PRKAR1A: variants seen among roughly 807,000 people sequenced by gnomAD.
The protein encoded by PRKAR1A is cAMP-dependent protein kinase type I-alpha regulatory subunit.
In PRKAR1A, 3 loss-of-function variants were observed where a neutral mutation model predicts 52.0. That is an observed-to-expected ratio of 0.06 (90% CI 0.03 to 0.15). PRKAR1A has a LOEUF of 0.15. Among genes scored for constraint, PRKAR1A ranks in the 10% least tolerant of loss-of-function variants. The pLI is 1.00. For synonymous variants in PRKAR1A, 188 were observed against 168.4 expected (o/e 1.12, Z -0.90); for missense variants, 240 against 477.4 (o/e 0.50, Z 4.63).
chr17:68,512,672 C>G (rs866088061), intron 1 of PRKAR1A, 124 bp downstream of exon 1: 1 of 152,316 alleles, frequency 6.6e-6, no homozygotes, highest in Non-Finnish European at 1.5e-5. Context: ...GGCCGCACCC[C>G]CTGCCCCTCC....
rs2143322046 is a variant in PRKAR1A, at chr17:68,525,783, T to C, written c.579T>C (p.Ser193=). The change falls in exon 7 of 11, where the codon AGT becomes AGC. Residue 193 remains serine, a synonymous_variant. Transcript: ENST00000589228. ...DVYVNNEWAT[S]VGEGGSFGEL... is the part of the protein sequence containing the mutation. ...ATGTTAACAATGAATGGGCAACCAG[T>C]GTTGGGGAAGGAGGGAGCTTTGGAG... 2 of 1,613,506 alleles carry C rather than the reference T, an allele frequency of 1.2e-6. No homozygotes were observed. Among genetic ancestry groups the C allele is most frequent in the Non-Finnish European group, 1.7e-6 (2 of 1,179,752 alleles).
the PRKAR1A span, among the ~76,000 whole-genome samples, chr17:68,455,097 C>T: frequency 6.6e-6 from 1 of 152,110 alleles, no homozygotes; most frequent in South Asian, 2.1e-4. Context: ...CATAGTGTGT[C>T]ACATCTGTAA....
the PRKAR1A span, chr17:68,457,386 C>T: frequency 5.9e-6 from 9 of 1,537,860 alleles, no homozygotes; most frequent in African/African-American, 1.3e-4. Flanking sequence ...CCGACTCAAC[C>T]CCGCCCGGGG....
intron 3 of PRKAR1A, among the ~76,000 whole-genome samples, chr17:68,523,501 C>G (rs1346558981): frequency 1.3e-5 from 2 of 152,150 alleles, no homozygotes; most frequent in Non-Finnish European, 2.9e-5. Flanking sequence ...AACCAAGTAC[C>G]AGACTTTATA....
the PRKAR1A span, chr17:68,436,424 G>C: frequency 1.2e-6 from 2 of 1,614,074 alleles, no homozygotes; most frequent in East Asian, 2.2e-5. Flanking sequence ...CTGAAGTCAG[G>C]CTTCCAGGAT....
chr17:68,427,688 A>C, the PRKAR1A span: 1 of 159,716 alleles, frequency 6.3e-6, no homozygotes, highest in Non-Finnish European at 1.4e-5. Context: ...TGCCAGGGGC[A>C]GTCACACACC....
At chr17:68,548,723 A>ATTTTTTTTT (rs200833117) in intron 11 of PRKAR1A, among the ~76,000 whole-genome samples, 2 of 117,944 alleles carry the variant, frequency 1.7e-5, no homozygotes, top group Non-Finnish European at 1.7e-5. Flanking sequence ...CTATGCCTGT[A>ATTTTTTTTT]TATTTTTTTT....
At chr17:68,465,166 T>G in the PRKAR1A span, among the ~76,000 whole-genome samples, 1 of 151,862 alleles carries the variant, frequency 6.6e-6, no homozygotes, top group Non-Finnish European at 1.5e-5. Flanking sequence ...TCACCTGACC[T>G]CGTGATCTGC....
At chr17:68,475,550 A>G in the PRKAR1A span, among the ~76,000 whole-genome samples, 1 of 152,134 alleles carries the variant, frequency 6.6e-6, no homozygotes, top group African/African-American at 2.4e-5. Context: ...TGCAACCTCC[A>G]CCTTCTGGGT....
chr17:68,526,742 A>G (rs146161826), intron 7 of PRKAR1A, among the ~76,000 whole-genome samples: 2 of 152,190 alleles, frequency 1.3e-5, no homozygotes, highest in African/African-American at 4.8e-5. Flanking sequence ...CTAGAAGGGG[A>G]ACAACAAACA....
At chr17:68,496,039 C>T in the PRKAR1A span, among the ~76,000 whole-genome samples, 1 of 11,690 alleles carries the variant, frequency 8.6e-5, no homozygotes. Flanking sequence ...CTCCCCTCCT[C>T]TCCTCTCCTC....
the PRKAR1A span, chr17:68,427,067 GC>G: frequency 7.7e-7 from 1 of 1,298,556 alleles, no homozygotes; most frequent in African/African-American, 1.5e-5. Context: ...AGGGGAGGGA[GC>G]GTGCAGGGAG....
chr17:68,497,005 G>A, the PRKAR1A span, among the ~76,000 whole-genome samples: 1 of 151,516 alleles, frequency 6.6e-6, no homozygotes, highest in Non-Finnish European at 1.5e-5. Flanking sequence ...TGTATTTTTT[G>A]TGGAGACAGG....
At chr17:68,417,638 G>A in the PRKAR1A span, among the ~76,000 whole-genome samples, 1 of 148,410 alleles carries the variant, frequency 6.7e-6, no homozygotes, top group East Asian at 2.0e-4. Context: ...GTTAAGTTGT[G>A]ATTGTTTCTA....
the PRKAR1A span, among the ~76,000 whole-genome samples, chr17:68,501,455 A>G: frequency 6.6e-6 from 1 of 152,006 alleles, no homozygotes; most frequent in Non-Finnish European, 1.5e-5. Context: ...AACCCTCAGC[A>G]TTCTCTCTCT....
At chr17:68,502,613 T>C in the PRKAR1A span, among the ~76,000 whole-genome samples, 2 of 151,594 alleles carry the variant, frequency 1.3e-5, no homozygotes, top group African/African-American at 4.8e-5. Context: ...TTAGCCAAGG[T>C]TGGTGGTGGG....
At chr17:68,466,659 C>T in the PRKAR1A span, among the ~76,000 whole-genome samples, 7 of 151,976 alleles carry the variant, frequency 4.6e-5, no homozygotes, top group African/African-American at 1.4e-4. Flanking sequence ...TGATCCACCC[C>T]CCTTGGCCTC....
chr17:68,421,756 C>T, the PRKAR1A span: 1 of 1,614,188 alleles, frequency 6.2e-7, no homozygotes, highest in Non-Finnish European at 8.5e-7. Context: ...GTCCTGATTT[C>T]TGAGGTGTGC....
intron 11 of PRKAR1A, among the ~76,000 whole-genome samples, chr17:68,543,147 G>C (rs1282953079): frequency 1.3e-5 from 2 of 152,130 alleles, no homozygotes; most frequent in African/African-American, 4.8e-5. Context: ...TACAGGGTCT[G>C]ATTGAGTGGT....
Sources: gnomAD v4.1 joint callset for allele counts (sites outside exome capture counted in the v4.1 genomes callset) on GRCh38, gnomAD v4.1.1 for gene constraint, MANE v1.5 for transcripts, NCBI Gene and HGNC (gene_info 2026-07-23, HGNC 2026-07-21) for gene names.